XPO6: variants seen among roughly 807,000 people sequenced by gnomAD.
XPO6 encodes the protein exportin-6.
In XPO6, 3 loss-of-function variants were observed where a neutral mutation model predicts 130.0. The observed-to-expected ratio is 0.02, with a 90% CI of 0.01 to 0.06. The LOEUF (loss-of-function observed/expected upper bound fraction) is 0.06. Ranked by LOEUF, XPO6 falls within the 10% of genes least tolerant of loss-of-function variation. The pLI is 1.00. For missense variants in XPO6, 970 were observed against 1,393.0 expected (o/e 0.70, Z 4.83); for synonymous variants, 524 against 548.9 (o/e 0.95, Z 0.63).
chr16:28,104,604 T>C lies in XPO6; in HGVS notation c.2888A>G (p.Gln963Arg), dbSNP rs756054004. Reference protein sequence around the residue: ...FFKSTVLASVQRGIAEEQMEN... With the variant: ...FFKSTVLASVRRGIAEEQMEN... ...CATCTGCTCCTCAGCGATCCCCCTC[T>C]GGACACTGGCCAGCACGGTGGACTT... The change falls in exon 21 of 24, where the codon CAG becomes CGG. Residue 963 changes from glutamine (Q) to arginine (R), a missense_variant. Gln to Arg is a conservative substitution (Grantham distance 43, BLOSUM62 1). Transcript: ENST00000304658. 1 of 1,614,216 alleles carries C rather than the reference T, an allele frequency of 6.2e-7. No individual in the cohort carries two copies. Among genetic ancestry groups the C allele is most frequent in the South Asian group, 1.1e-5 (1 of 91,092 alleles).
intron 21 of XPO6, among the ~76,000 whole-genome samples, chr16:28,102,429 T>C (rs2086672903): frequency 6.6e-6 from 1 of 152,198 alleles, no homozygotes; most frequent in African/African-American, 2.4e-5. Flanking sequence ...TGCTTTGGAA[T>C]TCCTGGGTGT....
At chr16:28,155,792 A>G in intron 7 of XPO6, 1 of 565,344 alleles carries the variant, frequency 1.8e-6, no homozygotes, top group Non-Finnish European at 2.5e-6. Context: ...ATAGTAAGGA[A>G]AAGGGGGCAA....
At chr16:28,162,426 T>C (rs2043291205) in intron 6 of XPO6, among the ~76,000 whole-genome samples, 1 of 152,188 alleles carries the variant, frequency 6.6e-6, no homozygotes, top group Non-Finnish European at 1.5e-5. Context: ...TCAAGTTCTC[T>C]ATGGAAGAGG....
intron 10 of XPO6, among the ~76,000 whole-genome samples, chr16:28,134,259 T>A (rs2141288634): frequency 6.6e-6 from 1 of 152,230 alleles, no homozygotes; most frequent in East Asian, 1.9e-4. Flanking sequence ...CACTACTGTA[T>A]CCCTATCCAC....
At chr16:28,193,657 T>C (rs1440845973) in intron 1 of XPO6, among the ~76,000 whole-genome samples, 1 of 152,056 alleles carries the variant, frequency 6.6e-6, no homozygotes, top group Non-Finnish European at 1.5e-5. Context: ...AGGGAGTCGG[T>C]GCACAGGTGA....
In XPO6 at chr16:28,168,784, T is replaced by G. The variant is rs912010361; in HGVS notation, c.565+966A>C. ...ACCCAGCTAACTTTTTTGTTTTGTTTTTTTTTTTTTCCAGAAATGGGGGTC... is the reference window on the plus strand; with the variant it reads ...ACCCAGCTAACTTTTTTGTTTTGTTGTTTTTTTTTTCCAGAAATGGGGGTC... On this transcript the variant is annotated intron_variant, in intron 5 of 23. Transcript: ENST00000304658. Among the ~76,000 whole-genome samples, 34 of 151,154 alleles carry G rather than the reference T, an allele frequency of 2.2e-4. No individual in the cohort carries two copies. In the East Asian group the frequency reaches 4.5e-3, roughly 20 times the overall value.
At chr16:28,137,058 C>T (rs1440679341) in intron 9 of XPO6, among the ~76,000 whole-genome samples, 1 of 152,274 alleles carries the variant, frequency 6.6e-6, no homozygotes, top group Non-Finnish European at 1.5e-5. Flanking sequence ...CAGCAACAGA[C>T]ACCTGGCAGA....
intron 1 of XPO6, chr16:28,209,205 G>GA (rs2044084375): frequency 6.6e-6 from 1 of 152,170 alleles, no homozygotes; most frequent in African/African-American, 2.4e-5. Context: ...GTTGTTTTGG[G>GA]AAAAAACCTT....
intron 4 of XPO6, among the ~76,000 whole-genome samples, chr16:28,172,509 C>G (rs923421472): frequency 6.6e-6 from 1 of 152,134 alleles, no homozygotes; most frequent in South Asian, 2.1e-4. Context: ...ATTTGAAGAA[C>G]AGGTTCTAGA....
In XPO6 at chr16:28,156,534, A is replaced by G; in HGVS notation, c.644-7T>C. 6.5e-7 allele frequency: 1 copy of G among 1,530,660 alleles called. No individual in the cohort carries two copies. The highest frequency in any genetic ancestry group is 2.1e-5 in the Admixed American group (1 of 46,872). 94.8% of individuals were successfully genotyped at this position (1,530,660 alleles called of 1,614,324 possible). ...AGGTTACTCAGTAAGTCACCTGAAA[A>G]TAAGAAAGGCTTTTAAGCTATCCAG... is the stretch of plus-strand genomic sequence containing the variant. On this transcript the variant is annotated splice_region_variant and splice_polypyrimidine_tract_variant and intron_variant, in intron 6 of 23. Coordinates refer to ENST00000304658, the MANE Select transcript of XPO6 (RefSeq NM_015171.4).
chr16:28,198,397 T>C (rs910418209), intron 1 of XPO6, among the ~76,000 whole-genome samples: 24 of 152,052 alleles, frequency 1.6e-4, no homozygotes, highest in African/African-American at 5.6e-4. Flanking sequence ...TAATAACAAC[T>C]AAGCAAAATC....
intron 18 of XPO6, 95 bp downstream of exon 18, chr16:28,107,427 G>C: frequency 1.4e-6 from 2 of 1,427,964 alleles, no homozygotes; most frequent in Non-Finnish European, 1.9e-6. Flanking sequence ...GTCAAGGCCT[G>C]TACTGCACCG....
intron 1 of XPO6, among the ~76,000 whole-genome samples, chr16:28,199,851 G>A (rs1000694400): frequency 2.0e-5 from 3 of 149,648 alleles, no homozygotes; most frequent in Non-Finnish European, 4.4e-5. Flanking sequence ...GCCTCCTCAT[G>A]AATTTTTTAA....
chr16:28,175,711 C>A (rs930906258), intron 4 of XPO6, among the ~76,000 whole-genome samples, 187 bp downstream of exon 4: 3 of 152,132 alleles, frequency 2.0e-5, no homozygotes, highest in African/African-American at 7.2e-5. Flanking sequence ...TTCTCCCCCA[C>A]TTTCTCCACC....
chr16:28,197,442 C>T (rs1419823632), intron 1 of XPO6, among the ~76,000 whole-genome samples: 1 of 152,084 alleles, frequency 6.6e-6, no homozygotes, highest in East Asian at 1.9e-4. Flanking sequence ...GATAAGTTTC[C>T]TACATAGACA....
At chr16:28,134,159 T>TC (rs1390511828) in intron 10 of XPO6, among the ~76,000 whole-genome samples, 9 of 152,284 alleles carry the variant, frequency 5.9e-5, no homozygotes, top group Non-Finnish European at 8.8e-5. Context: ...TAAGCTATTT[T>TC]CCCCCCTTTG....
At chr16:28,203,222 G>A (rs1388471845) in intron 1 of XPO6, among the ~76,000 whole-genome samples, 3 of 149,726 alleles carry the variant, frequency 2.0e-5, no homozygotes, top group Non-Finnish European at 4.4e-5. Flanking sequence ...GCTGCAGTAA[G>A]ACATGATTGC....
At chr16:28,158,240 GGGAA>G (rs1007512923) in intron 6 of XPO6, among the ~76,000 whole-genome samples, 50 of 152,294 alleles carry the variant, frequency 3.3e-4, no homozygotes, top group African/African-American at 1.0e-3. Context: ...GTTGATTACG[GGGAA>G]GGGAGTCCAC....
Position 28,132,436 on chromosome 16 carries a change from T to G in XPO6, c.1537-33A>C. ...CAAAGAAACAAAAACAACAAAAATT[T>G]TAAGCCATAAATGCAAGTTTTAATA... On this transcript the variant is annotated intron_variant, in intron 11 of 23. Coordinates refer to ENST00000304658, the MANE Select transcript of XPO6 (RefSeq NM_015171.4). The surrounding 1 kb of genome is among the most constrained non-coding windows in gnomAD (Gnocchi z 4.0). 6.6e-7 allele frequency: 1 copy of G among 1,507,198 alleles called. No homozygotes were observed. Among genetic ancestry groups the G allele is most frequent in the Non-Finnish European group, 9.1e-7 (1 of 1,101,202 alleles). The allele number at this position is 1,507,198 out of a possible 1,614,324, so 93.4% of individuals were successfully genotyped here.
Sources: allele counts gnomAD v4.1 joint callset (sites outside exome capture counted in the v4.1 genomes callset), GRCh38; gene constraint gnomAD v4.1.1; non-coding constraint Gnocchi (gnomAD v3.1); transcripts MANE v1.5; gene names NCBI Gene and HGNC (gene_info 2026-07-23, HGNC 2026-07-21).